The following RYR2 variants were observed in gnomAD, a reference collection of about 807,000 sequenced individuals.
RYR2 encodes cardiac muscle ryanodine receptor-calcium release channel.
A neutral mutation model predicts 601.1 loss-of-function variants in RYR2; 227 were observed. The ratio of observed to expected loss-of-function variants is 0.38; its 90% CI spans 0.34 to 0.42. RYR2 has a LOEUF of 0.42. RYR2 is among the 10% of genes least tolerant of loss of function. The pLI is 1.00. For synonymous variants in RYR2, 2,223 were observed against 2,175.1 expected, an observed-to-expected ratio of 1.02 and a Z score of -0.61; for missense variants, 4,646 against 6,156.5, an observed-to-expected ratio of 0.75 and a Z score of 8.21.
intron 1 of RYR2, among the ~76,000 whole-genome samples, chr1:237,230,209 G>T (rs531209340): frequency 3.9e-5 from 6 of 152,290 alleles, no homozygotes; most frequent in African/African-American, 1.2e-4. Context: ...GCTCAGATAG[G>T]CAAAGAGAGG....
At chr1:237,323,094 A>G (rs543687308) in intron 2 of RYR2, among the ~76,000 whole-genome samples, 1 of 152,290 alleles carries the variant, frequency 6.6e-6, no homozygotes, top group East Asian at 1.9e-4. Context: ...TCCACTTTTC[A>G]AAACATAATT....
At chr1:237,437,680 A>G (rs1707539995) in intron 12 of RYR2, among the ~76,000 whole-genome samples, 2 of 152,362 alleles carry the variant, frequency 1.3e-5, no homozygotes, top group South Asian at 4.1e-4. Context: ...CTATGAGAGT[A>G]CATGAATGAA....
At chr1:237,166,225 C>A (rs1572069652) in intron 1 of RYR2, among the ~76,000 whole-genome samples, 2 of 152,166 alleles carry the variant, frequency 1.3e-5, no homozygotes, top group African/African-American at 4.8e-5. Flanking sequence ...ACTTAGAACA[C>A]CTGGGTACCT....
chr1:237,321,769 T>C (rs1170728870), intron 2 of RYR2, among the ~76,000 whole-genome samples: 1 of 152,210 alleles, frequency 6.6e-6, no homozygotes, highest in Non-Finnish European at 1.5e-5. Flanking sequence ...TGTATTCTTA[T>C]GTTGAATAAG....
intron 1 of RYR2, among the ~76,000 whole-genome samples, chr1:237,098,132 T>C (rs997071380): frequency 6.6e-6 from 1 of 152,174 alleles, no homozygotes; most frequent in East Asian, 1.9e-4. Context: ...TTTAAGACCT[T>C]GAAAATGAAG....
At chr1:237,099,081 C>T (rs1216577229) in intron 1 of RYR2, among the ~76,000 whole-genome samples, 1 of 143,112 alleles carries the variant, frequency 7.0e-6, no homozygotes, top group Admixed American at 7.3e-5. Flanking sequence ...GATCATCTTT[C>T]AGCAGTGAGA....
At chr1:237,697,324 G>A (rs1335722162) in intron 63 of RYR2, among the ~76,000 whole-genome samples, 3 of 144,278 alleles carry the variant, frequency 2.1e-5, no homozygotes, top group Non-Finnish European at 3.0e-5. Context: ...AGGTGTGTGT[G>A]TGTGTGTATA....
intron 17 of RYR2, among the ~76,000 whole-genome samples, chr1:237,490,377 T>A (rs1663193959): frequency 6.6e-6 from 1 of 152,194 alleles, no homozygotes; most frequent in Non-Finnish European, 1.5e-5. Flanking sequence ...GTGTGCTCTA[T>A]AGCAATCAAT....
chr1:237,700,163 C>A, intron 64 of RYR2, 66 bp from the exon 65 acceptor site: 1 of 1,022,724 alleles, frequency 9.8e-7, no homozygotes, highest in South Asian at 1.6e-5. Context: ...ATAAGAGAAC[C>A]ACAATTCATT....
rs1306067032 is a variant in RYR2 at position 237,709,061 on chromosome 1, T to C, written c.10105T>C (p.Phe3369Leu). ...CACACTGGCCAGAGATCTCTATGCC[T>C]TCTACCCTCTCTTGATTAGATTTGT... ...FTTLARDLYA[F>L]YPLLIRFVDY... Residue 3369 changes from phenylalanine to leucine, a missense_variant, in exon 69 of 105, where the codon TTC becomes CTC. Physicochemically the swap from Phe to Leu is conservative, Grantham distance 22. This residue lies in a region of RYR2 where 1,497 missense variants were observed against 1,842.6 expected (regional missense o/e 0.81). Coordinates refer to ENST00000366574, the MANE Select transcript of RYR2 (RefSeq NM_001035.3). 1.2e-6 allele frequency: 2 copies of C among 1,601,588 alleles called. No homozygotes were observed. The highest frequency in any genetic ancestry group is 1.7e-6 in the Non-Finnish European group (2 of 1,172,334).
intron 17 of RYR2, among the ~76,000 whole-genome samples, chr1:237,477,536 C>T (rs1362867643): frequency 6.6e-6 from 1 of 152,222 alleles, no homozygotes; most frequent in African/African-American, 2.4e-5. Flanking sequence ...GGCACTGTTA[C>T]TGACAGATGG....
chr1:237,262,539 G>A (rs1440250560), intron 1 of RYR2, among the ~76,000 whole-genome samples: 1 of 152,120 alleles, frequency 6.6e-6, no homozygotes, highest in African/African-American at 2.4e-5. Context: ...TTATAGGCAT[G>A]AGCCACTGCA....
intron 2 of RYR2, among the ~76,000 whole-genome samples, chr1:237,301,133 A>T (rs529439566): frequency 9.2e-5 from 14 of 152,136 alleles, no homozygotes; most frequent in Non-Finnish European, 1.5e-4. Context: ...AAATACTGAT[A>T]AATTGAATCC....
intron 27 of RYR2, among the ~76,000 whole-genome samples, chr1:237,559,762 T>C (rs1208857434): frequency 6.6e-6 from 1 of 152,368 alleles, no homozygotes; most frequent in South Asian, 2.1e-4. Flanking sequence ...TTTAAAGTAA[T>C]GTAATTTGGT....
intron 2 of RYR2, among the ~76,000 whole-genome samples, chr1:237,322,518 G>T (rs768413327): frequency 1.3e-5 from 2 of 152,046 alleles, no homozygotes; most frequent in Non-Finnish European, 2.9e-5. Context: ...TTTTGTCCCA[G>T]ATACTATATC....
At chr1:237,744,427 G>A (rs567056113) in intron 80 of RYR2, among the ~76,000 whole-genome samples, 3 of 151,762 alleles carry the variant, frequency 2.0e-5, no homozygotes, top group South Asian at 2.1e-4. Flanking sequence ...AGGCTGAGGC[G>A]GGTGGATCAC....
chr1:237,796,019 TATTTGTAAATGTAC>T (rs1659182816), intron 96 of RYR2, among the ~76,000 whole-genome samples: 1 of 150,728 alleles, frequency 6.6e-6, no homozygotes, highest in Non-Finnish European at 1.5e-5. Context: ...CATATATGTA[TATTTGTAAATGTAC>T]ATATATATTT....
rs548313130 is a variant in RYR2 at position 237,792,134 on chromosome 1, G to A, written c.13593G>A (p.Lys4531=). 4.7e-5 allele frequency: 75 copies of A among 1,604,814 alleles called. No homozygotes were observed. The highest frequency in any genetic ancestry group is 6.1e-5 in the Non-Finnish European group (72 of 1,175,600). The change falls in exon 94 of 105, where the codon AAG becomes AAA. Residue 4531 remains lysine, a synonymous_variant. Coordinates refer to ENST00000366574, the MANE Select transcript of RYR2 (RefSeq NM_001035.3). ...KVSTSSVVEG[K]ELPTRSSSEN... is the part of the protein sequence containing the mutation. ...CCACTTCTTCTGTGGTTGAAGGAAA[G>A]GAGCTCCCCACGAGAAGTTCAAGTG...
chr1:237,405,098 G>A lies in RYR2; in HGVS notation c.774-11951G>A, dbSNP rs573448168. Reference sequence around the variant, plus strand: ...CTACGGAATGGTAGAATAAGAAATGGTGGTGTTTCTCAGCCATGAAGTCAG... The same window carrying A: ...CTACGGAATGGTAGAATAAGAAATGATGGTGTTTCTCAGCCATGAAGTCAG... On this transcript the variant is annotated intron_variant, in intron 10 of 104. Coordinates refer to ENST00000366574, the MANE Select transcript of RYR2 (RefSeq NM_001035.3). 4.6e-5 allele frequency among the ~76,000 whole-genome samples: 7 copies of A among 152,320 alleles called. No homozygotes were observed. The South Asian group carries it at 1.2e-3, about 27-fold the overall frequency.
Sources: gnomAD v4.1 joint callset for allele counts (sites outside exome capture counted in the v4.1 genomes callset) on GRCh38, gnomAD v4.1.1 for gene constraint, gnomAD v4.1.1 regional missense constraint, MANE v1.5 for transcripts, NCBI Gene and HGNC (gene_info 2026-07-23, HGNC 2026-07-21) for gene names.